The following KAZN variants were observed in gnomAD, a reference collection of about 807,000 sequenced individuals.
The protein encoded by KAZN is kazrin, periplakin interacting protein, also known as kazrin.
In KAZN, 40 loss-of-function variants were observed where a neutral mutation model predicts 87.4. That is an observed-to-expected ratio of 0.46 (90% CI 0.36 to 0.60). The LOEUF is 0.60. KAZN is among the 20% of genes least tolerant of loss of function. The pLI, the probability that KAZN is intolerant of heterozygous loss-of-function variation, is 0.00. For missense variants in KAZN, 898 were observed against 1,073.9 expected (o/e 0.84, Z 2.29); for synonymous variants, 466 against 458.3 (o/e 1.02, Z -0.22).
chr1:14,510,562 C>A (rs1198115380), intron 2 of KAZN, among the ~76,000 whole-genome samples: 1 of 152,126 alleles, frequency 6.6e-6, no homozygotes, highest in Non-Finnish European at 1.5e-5. Context: ...TCTGGCAATG[C>A]TATATAGTGA....
rs1026041660 is a variant in KAZN, at chr1:14,184,433, C to T, written c.249+3841C>T. 6.6e-6 allele frequency among the ~76,000 whole-genome samples: 1 copy of T among 152,034 alleles called. No homozygotes were observed. The highest frequency in any genetic ancestry group is 2.4e-5 in the African/African-American group (1 of 41,358). ...CCTTTCCTGTTCTTTCCTTGTCTGT[C>T]TTTCTTTCTGTTATTTGTGTTCGGG... On this transcript the variant is annotated intron_variant, in intron 2 of 16. Coordinates refer to the KAZN transcript ENST00000636203. The surrounding 1 kb of genome is among the most constrained non-coding windows in gnomAD (Gnocchi z 4.2).
At chr1:14,978,740 G>A (rs953323989) in intron 2 of KAZN, among the ~76,000 whole-genome samples, 2 of 138,562 alleles carry the variant, frequency 1.4e-5, no homozygotes, top group Non-Finnish European at 2.9e-5. Context: ...CTGGAAGATG[G>A]GGGGCTTTGC....
intron 1 of KAZN, among the ~76,000 whole-genome samples, chr1:13,925,189 T>G (rs1407280541): frequency 1.3e-5 from 2 of 152,252 alleles, no homozygotes; most frequent in Admixed American, 1.3e-4. Context: ...GTGGTCTTTT[T>G]GTGACTGGCG....
chr1:14,954,398 G>A (rs1048139594), intron 1 of KAZN, among the ~76,000 whole-genome samples: 3 of 152,234 alleles, frequency 2.0e-5, no homozygotes, highest in South Asian at 2.1e-4. Context: ...TCTCCAGTAA[G>A]GATGACTCCT....
At chr1:14,567,735 T>C (rs1674627603) in intron 2 of KAZN, among the ~76,000 whole-genome samples, 1 of 152,238 alleles carries the variant, frequency 6.6e-6, no homozygotes, top group African/African-American at 2.4e-5. Context: ...GTTTTTGTTT[T>C]GAGTCAACCA....
intron 1 of KAZN, among the ~76,000 whole-genome samples, chr1:14,088,945 C>A (rs1643911933): frequency 2.0e-5 from 3 of 147,544 alleles, no homozygotes; most frequent in East Asian, 2.3e-4. Context: ...AGATTCATAC[C>A]ATCATTCTAA....
rs982672619 is a variant in KAZN at position 15,096,603 on chromosome 1, G to A, written c.1547+1670G>A. Among the ~76,000 whole-genome samples the A allele has an allele frequency of 1.3e-5, 2 of 152,220 alleles. No homozygotes were observed. The highest frequency in any genetic ancestry group is 1.5e-5 in the Non-Finnish European group (1 of 68,044). ...CTGGGTTGCTTAGACAACAACTTAC[G>A]TCTCACAGTTCTGGAGGCTGGAAGT... is the stretch of plus-strand genomic sequence containing the variant. On this transcript the variant is annotated intron_variant, in intron 10 of 14. Coordinates refer to ENST00000376030, the MANE Select transcript of KAZN (RefSeq NM_201628.3). The surrounding 1 kb of genome is among the most constrained non-coding windows in gnomAD (Gnocchi z 4.5).
At chr1:14,416,767 A>G (rs1053500892) in intron 2 of KAZN, among the ~76,000 whole-genome samples, 13 of 151,890 alleles carry the variant, frequency 8.6e-5, no homozygotes, top group African/African-American at 2.9e-4. Context: ...TTAAAATTTT[A>G]ATTTTATTAT....
chr1:13,974,714 G>C (rs1351902733), intron 1 of KAZN, among the ~76,000 whole-genome samples: 2 of 152,164 alleles, frequency 1.3e-5, no homozygotes, highest in African/African-American at 2.4e-5. Flanking sequence ...AGGAAGCAAA[G>C]GAAGCAAGGT....
chr1:14,317,162 C>T (rs1312861808), intron 2 of KAZN, among the ~76,000 whole-genome samples: 4 of 151,800 alleles, frequency 2.6e-5, no homozygotes, highest in Non-Finnish European at 4.4e-5. Flanking sequence ...GATATGTGAC[C>T]TTCTGCTTTC....
chr1:14,569,261 C>G (rs1212348235), intron 2 of KAZN, among the ~76,000 whole-genome samples: 1 of 150,994 alleles, frequency 6.6e-6, no homozygotes, highest in Non-Finnish European at 1.5e-5. Flanking sequence ...TGTCTTGATG[C>G]AAGTTTCCAA....
intron 2 of KAZN, among the ~76,000 whole-genome samples, chr1:14,334,296 C>T (rs1016676672): frequency 1.5e-5 from 2 of 129,548 alleles, no homozygotes; most frequent in African/African-American, 5.9e-5. Flanking sequence ...ACCCAAGAAG[C>T]AGAGGTTGCA....
chr1:14,814,929 C>G (rs1472213641), intron 1 of KAZN, among the ~76,000 whole-genome samples: 1 of 152,184 alleles, frequency 6.6e-6, no homozygotes, highest in Non-Finnish European at 1.5e-5. Flanking sequence ...GTTCAGGGGT[C>G]ATGTTGAGAA....
intron 1 of KAZN, among the ~76,000 whole-genome samples, chr1:14,954,455 T>G (rs1662844422): frequency 6.6e-6 from 1 of 152,214 alleles, no homozygotes; most frequent in African/African-American, 2.4e-5. Context: ...CTCCTGTCAT[T>G]GGGTCATCAG....
intron 1 of KAZN, among the ~76,000 whole-genome samples, chr1:14,106,059 C>T (rs1644367729): frequency 6.6e-6 from 1 of 152,142 alleles, no homozygotes; most frequent in South Asian, 2.1e-4. Context: ...ACAGTAACAA[C>T]AACAATAACA....
chr1:14,676,651 A>G (rs1169170314), intron 1 of KAZN, among the ~76,000 whole-genome samples: 1 of 152,234 alleles, frequency 6.6e-6, no homozygotes, highest in Non-Finnish European at 1.5e-5. Flanking sequence ...ATGCCACAGC[A>G]TGGATGAACC....
chr1:15,044,201 C>T, intron 4 of KAZN, 42 bp downstream of exon 4: 1 of 1,367,540 alleles, frequency 7.3e-7, no homozygotes, highest in South Asian at 1.3e-5. Context: ...CATCTGCTAG[C>T]AGTGCCGTGC....
At chr1:14,046,192 A>G (rs1642064985) in intron 1 of KAZN, among the ~76,000 whole-genome samples, 1 of 152,212 alleles carries the variant, frequency 6.6e-6, no homozygotes, top group African/African-American at 2.4e-5. Flanking sequence ...TCTGTTGCAG[A>G]TTCACTGAGA....
At position 14,809,556 on chromosome 1, in the gene KAZN, T is replaced by C. The variant is rs1008013507; in HGVS notation, c.227-151128T>C. Among the ~76,000 whole-genome samples, 10 of 152,192 alleles carry C rather than the reference T, an allele frequency of 6.6e-5. No homozygotes were observed. The East Asian group carries it at 1.9e-3, about 29-fold the overall frequency. On this transcript the variant is annotated intron_variant, in intron 1 of 14. Transcript: ENST00000376030. ...CTGATTGGACTCTGACAGTGTGTTA[T>C]TGAATTCCAAGTGCCCTATTCTGAA...
Sources: allele counts gnomAD v4.1 joint callset (sites outside exome capture counted in the v4.1 genomes callset), GRCh38; gene constraint gnomAD v4.1.1; non-coding constraint Gnocchi (gnomAD v3.1); transcripts MANE v1.5; gene names NCBI Gene and HGNC (gene_info 2026-07-23, HGNC 2026-07-21).